Variants in ITIH5 observed in about 807,000 individuals in gnomAD.
The protein encoded by ITIH5 is inter-alpha-trypsin inhibitor heavy chain 5, also known as inter-alpha-trypsin inhibitor heavy chain H5.
In ITIH5, 65 loss-of-function variants were observed where a neutral mutation model predicts 77.5. That is an observed-to-expected ratio of 0.84 (90% CI 0.69 to 1.03). The LOEUF is 1.03. Among genes scored for constraint, ITIH5 ranks in the 50% least tolerant of loss-of-function variants. ITIH5 has a pLI of 0.00. For synonymous variants in ITIH5, 525 were observed against 494.3 expected, an observed-to-expected ratio of 1.06 and a Z score of -0.82; for missense variants, 1,208 against 1,213.1, an observed-to-expected ratio of 1.00 and a Z score of 0.06.
chr10:7,583,261 C>G lies in ITIH5; in HGVS notation c.1108+2640G>C, dbSNP rs531430141. ...TGTCCATGACCAAATGTTCATAATT[C>G]TTGCTAAGATGCAGAGCCCAAATGG... On this transcript the variant is annotated intron_variant, in intron 8 of 13. Coordinates refer to ENST00000397146, the MANE Select transcript of ITIH5 (RefSeq NM_030569.7). 1.2e-3 allele frequency among the ~76,000 whole-genome samples: 190 copies of G among 152,346 alleles called. 1 individual carries two copies. Among genetic ancestry groups the G allele is most frequent in the African/African-American group, 4.3e-3 (180 of 41,574 alleles).
intron 1 of ITIH5, among the ~76,000 whole-genome samples, chr10:7,662,134 G>A (rs988787209): frequency 4.6e-5 from 7 of 152,164 alleles, no homozygotes; most frequent in Non-Finnish European, 5.9e-5. Flanking sequence ...AAGGCAGGCC[G>A]ATCATCTGAG....
chr10:7,649,620 G>C (rs545926086), intron 2 of ITIH5, among the ~76,000 whole-genome samples: 46 of 152,238 alleles, frequency 3.0e-4, no homozygotes, highest in African/African-American at 1.1e-3. Flanking sequence ...GTCTGCAAAA[G>C]TAAGAAAATG....
intron 10 of ITIH5, among the ~76,000 whole-genome samples, chr10:7,573,429 G>A (rs10905186): frequency 0.43 from 65,010 of 151,394 alleles, 15,057 homozygotes; most frequent in East Asian, 0.64. Flanking sequence ...TGCTTCCGGA[G>A]GCCAAGGTGG....
chr10:7,567,995 G>C (rs576312140), intron 12 of ITIH5, among the ~76,000 whole-genome samples: 1 of 152,332 alleles, frequency 6.6e-6, no homozygotes, highest in South Asian at 2.1e-4. Flanking sequence ...AAACTGCTAT[G>C]AAATAGAACT....
At chr10:7,653,729 G>A (rs563662612) in intron 2 of ITIH5, among the ~76,000 whole-genome samples, 4 of 152,306 alleles carry the variant, frequency 2.6e-5, no homozygotes, top group East Asian at 1.9e-4. Flanking sequence ...TATTAGTTAA[G>A]AGCATGGACT....
Position 7,583,900 on chromosome 10 carries a change from A to G in ITIH5, c.1108+2001T>C, listed in dbSNP as rs189781792. 5.3e-5 allele frequency among the ~76,000 whole-genome samples: 8 copies of G among 152,308 alleles called. No individual in the cohort carries two copies. The East Asian group carries it at 1.5e-3, about 29-fold the overall frequency. ...TGAAAACAGACAGGAGCTGTCATCAAAGGACTCACAAGCACCAGCGAGAGG... is the reference window on the plus strand; with the variant it reads ...TGAAAACAGACAGGAGCTGTCATCAGAGGACTCACAAGCACCAGCGAGAGG... On this transcript the variant is annotated intron_variant, in intron 8 of 13. Transcript: ENST00000397146.
chr10:7,639,765 A>T (rs1833853470), intron 4 of ITIH5, among the ~76,000 whole-genome samples: 1 of 152,206 alleles, frequency 6.6e-6, no homozygotes, highest in Non-Finnish European at 1.5e-5. Context: ...ATTGCTATGT[A>T]TTGGTTTCAA....
At chr10:7,563,453 G>A (rs1832078544) in intron 13 of ITIH5, 69 bp from the exon 14 acceptor site, 1 of 1,413,078 alleles carries the variant, frequency 7.1e-7, no homozygotes, top group African/African-American at 1.4e-5. Flanking sequence ...TCCAACTTCA[G>A]AGCTATCAGT....
intron 10 of ITIH5, among the ~76,000 whole-genome samples, chr10:7,574,619 C>T (rs1832369359): frequency 6.6e-6 from 1 of 151,844 alleles, no homozygotes; most frequent in Non-Finnish European, 1.5e-5. Flanking sequence ...CGGTGAAACC[C>T]CATCTCTACT....
At chr10:7,580,990 T>G (rs868548936) in intron 8 of ITIH5, among the ~76,000 whole-genome samples, 1 of 152,132 alleles carries the variant, frequency 6.6e-6, no homozygotes, top group African/African-American at 2.4e-5. Flanking sequence ...CCAGGCACGG[T>G]GGCTCATGCC....
chr10:7,621,852 C>T (rs1179730822), intron 5 of ITIH5: 1 of 152,106 alleles, frequency 6.6e-6, no homozygotes, highest in Non-Finnish European at 1.5e-5. Context: ...TGAGTGTCAC[C>T]CGCAGGGTCA....
In ITIH5 at chr10:7,650,387, G is replaced by A. The variant is rs146378748; in HGVS notation, c.135+5244C>T. Among the ~76,000 whole-genome samples the A allele has an allele frequency of 8.5e-4, 129 of 152,266 alleles. 2 individuals carry two copies. In the East Asian group the frequency reaches 0.023, roughly 27 times the overall value. On this transcript the variant is annotated intron_variant, in intron 2 of 13. Transcript: ENST00000397146. ...GAGAGAAGGCTGGAGCGTGGCAGTT[G>A]GCTGACTCCACGCACCAAATCTCTA...
intron 5 of ITIH5, chr10:7,619,726 C>T (rs2131041226): frequency 5.3e-6 from 1 of 187,004 alleles, no homozygotes; most frequent in East Asian, 1.5e-4. Context: ...TGAGAACTCA[C>T]TCACTATCAC....
chr10:7,636,184 G>GA (rs543967088), intron 5 of ITIH5, among the ~76,000 whole-genome samples: 3 of 151,044 alleles, frequency 2.0e-5, no homozygotes, highest in Admixed American at 6.6e-5. Context: ...CCCAAAAAAA[G>GA]AAAAAAAATA....
At position 7,617,253 on chromosome 10, in the gene ITIH5, T is replaced by C; in HGVS notation, c.682A>G (p.Ile228Val). ...DDSGPPPSTVINQNETFANII... is the reference protein window; with the variant it reads ...DDSGPPPSTVVNQNETFANII... ...TTGGCAAATGTTTCATTTTGGTTAATGACAGTAGATGGGGGAGGCCCAGAA... is the reference window on the plus strand; with the variant it reads ...TTGGCAAATGTTTCATTTTGGTTAACGACAGTAGATGGGGGAGGCCCAGAA... The change falls in exon 6 of 14, where the codon ATT (isoleucine) becomes GTT (valine). Residue 228 changes from isoleucine to valine, a missense_variant. Physicochemically the swap from Ile to Val is conservative, Grantham distance 29 (BLOSUM62 3). Coordinates refer to ENST00000397146, the MANE Select transcript of ITIH5 (RefSeq NM_030569.7). 1 of 1,594,052 alleles carries C rather than the reference T, an allele frequency of 6.3e-7. No homozygotes were observed. Among genetic ancestry groups the C allele is most frequent in the Non-Finnish European group, 8.5e-7 (1 of 1,171,358 alleles).
At chr10:7,625,094 G>A (rs1833555170) in intron 5 of ITIH5, among the ~76,000 whole-genome samples, 1 of 151,624 alleles carries the variant, frequency 6.6e-6, no homozygotes, top group African/African-American at 2.4e-5. Flanking sequence ...TGGCACGCAG[G>A]CAGAGCAGGG....
intron 12 of ITIH5, among the ~76,000 whole-genome samples, chr10:7,568,072 C>T (rs566637026): frequency 2.0e-5 from 3 of 152,112 alleles, no homozygotes; most frequent in Non-Finnish European, 4.4e-5. Context: ...GCCTGTGAAC[C>T]AGGCCCCAGG....
At chr10:7,623,054 A>G (rs1034423593) in intron 5 of ITIH5, among the ~76,000 whole-genome samples, 1 of 152,194 alleles carries the variant, frequency 6.6e-6, no homozygotes, top group African/African-American at 2.4e-5. Flanking sequence ...CAATTATCAC[A>G]TGGGGAAAGA....
At chr10:7,646,906 T>C (rs1834017143) in intron 2 of ITIH5, among the ~76,000 whole-genome samples, 1 of 152,148 alleles carries the variant, frequency 6.6e-6, no homozygotes, top group Non-Finnish European at 1.5e-5. Flanking sequence ...TCTATCATAC[T>C]CTACTGGTCA....
Sources: gnomAD v4.1 joint callset for allele counts (sites outside exome capture counted in the v4.1 genomes callset) on GRCh38, gnomAD v4.1.1 for gene constraint, MANE v1.5 for transcripts, NCBI Gene and HGNC (gene_info 2026-07-23, HGNC 2026-07-21) for gene names.